The following KCNMB4 variants were observed in gnomAD, a reference collection of about 807,000 sequenced individuals.
The protein encoded by KCNMB4 is calcium-activated potassium channel subunit beta-4.
Under a neutral mutation model 20.7 loss-of-function variants are expected in KCNMB4, and 3 were observed. That is an observed-to-expected ratio of 0.14 (90% CI 0.07 to 0.37). The LOEUF is 0.37. KCNMB4 is among the 10% of genes least tolerant of loss of function. The probability of loss-of-function intolerance (pLI) is 1.00; values close to 1 mark genes in which losing one functional copy is unlikely to be tolerated. For synonymous variants in KCNMB4, 110 were observed against 113.4 expected (o/e 0.97, Z 0.19); for missense variants, 168 against 265.9 (o/e 0.63, Z 2.56).
intron 2 of KCNMB4, among the ~76,000 whole-genome samples, chr12:70,412,742 A>T (rs1868814775): frequency 6.6e-6 from 1 of 152,148 alleles, no homozygotes; most frequent in South Asian, 2.1e-4. Context: ...TAAAGATGGG[A>T]CCTAAGATTT....
At chr12:70,400,404 T>C (rs778885133) in intron 2 of KCNMB4, 68 bp downstream of exon 2, 3 of 1,484,514 alleles carry the variant, frequency 2.0e-6, no homozygotes, top group Non-Finnish European at 2.7e-6. Flanking sequence ...CACTGTTATA[T>C]CGTAGATTAT....
chr12:70,433,107 T>C lies in KCNMB4; in HGVS notation c.*2454T>C, dbSNP rs1322999658. ...CTTACTTGCTTACAGCCAATTAAAT[T>C]TGAAGCACCTTATTTATACTTGTTA... On this transcript the variant is annotated 3_prime_UTR_variant, in exon 3 of 3. Transcript: ENST00000258111. 1 of 152,124 alleles carries C rather than the reference T, an allele frequency of 6.6e-6. No individual in the cohort carries two copies. Among genetic ancestry groups the C allele is most frequent in the Non-Finnish European group, 1.5e-5 (1 of 68,032 alleles). The allele number at this position is 152,124 out of a possible 1,614,324, so 9.4% of individuals were successfully genotyped here.
Position 70,432,837 on chromosome 12 carries a change from T to A in KCNMB4, c.*2184T>A, listed in dbSNP as rs561724175. 3 of 152,282 alleles carry A rather than the reference T, an allele frequency of 2.0e-5. No homozygotes were observed. In the East Asian group the frequency reaches 5.8e-4, roughly 29 times the overall value. 9.4% of individuals were successfully genotyped at this position (152,282 alleles called of 1,614,324 possible). On this transcript the variant is annotated 3_prime_UTR_variant, in exon 3 of 3. Transcript: ENST00000258111. ...CTTTATCCATTTTATCTTTATTCAGTTGTCTATGATTAATTGATTACAGAG... is the reference window on the plus strand; with the variant it reads ...CTTTATCCATTTTATCTTTATTCAGATGTCTATGATTAATTGATTACAGAG...
chr12:70,387,398 A>ATTTTTTTTTT (rs200125786), intron 1 of KCNMB4, among the ~76,000 whole-genome samples: 3 of 123,982 alleles, frequency 2.4e-5, no homozygotes, highest in Non-Finnish European at 3.3e-5. Context: ...AAATTTTTTA[A>ATTTTTTTTTT]TTTTTTTTTT....
At chr12:70,425,305 G>A (rs762671280) in intron 2 of KCNMB4, among the ~76,000 whole-genome samples, 1 of 152,064 alleles carries the variant, frequency 6.6e-6, no homozygotes, top group Admixed American at 6.5e-5. Context: ...AGGTGTGGTG[G>A]TGGGCGCCTG....
chr12:70,417,030 A>G (rs1464003738), intron 2 of KCNMB4, among the ~76,000 whole-genome samples: 1 of 152,218 alleles, frequency 6.6e-6, no homozygotes. Context: ...TATATTTTTC[A>G]AATCCTTTCT....
intron 1 of KCNMB4, among the ~76,000 whole-genome samples, chr12:70,370,090 A>T (rs1440986307): frequency 6.6e-6 from 1 of 152,050 alleles, no homozygotes; most frequent in Non-Finnish European, 1.5e-5. Flanking sequence ...CAAGATTCTG[A>T]TTTGGTCTTG....
chr12:70,380,935 A>G (rs544650936), intron 1 of KCNMB4, among the ~76,000 whole-genome samples: 1 of 152,256 alleles, frequency 6.6e-6, no homozygotes, highest in Non-Finnish European at 1.5e-5. Flanking sequence ...TTTGTGCTTC[A>G]AAGGACACCA....
At chr12:70,371,481 GTTT>G (rs1883593401) in intron 1 of KCNMB4, among the ~76,000 whole-genome samples, 1 of 152,178 alleles carries the variant, frequency 6.6e-6, no homozygotes, top group African/African-American at 2.4e-5. Context: ...GGAACATTCA[GTTT>G]GATACATTTT....
chr12:70,421,738 C>G (rs1325053572), intron 2 of KCNMB4, among the ~76,000 whole-genome samples: 7 of 151,848 alleles, frequency 4.6e-5, no homozygotes. Context: ...GCCGCCACCA[C>G]ACCCATCTAA....
chr12:70,386,597 G>T (rs11178213), intron 1 of KCNMB4, among the ~76,000 whole-genome samples: 53,472 of 119,558 alleles, frequency 0.45, 10,078 homozygotes, highest in East Asian at 0.56. Flanking sequence ...TTTGTTTGTT[G>T]TTTTTTTTTT....
intron 1 of KCNMB4, among the ~76,000 whole-genome samples, chr12:70,399,028 G>T (rs1199674438): frequency 6.6e-6 from 1 of 152,178 alleles, no homozygotes; most frequent in Admixed American, 6.5e-5. Flanking sequence ...CCTGTGCCAA[G>T]CAAGTAGGTT....
chr12:70,382,074 A>G (rs1262407626), intron 1 of KCNMB4, among the ~76,000 whole-genome samples: 2 of 152,242 alleles, frequency 1.3e-5, no homozygotes, highest in African/African-American at 4.8e-5. Context: ...ACTAGGAATC[A>G]TCAAAATGTT....
rs920124433 is a variant in KCNMB4 at position 70,366,300 on chromosome 12, A to G, written c.-435A>G. ...GGCTCGCCCCAGCTCAGACACTCCT[A>G]GCCTTGGGGCAGCTGCCGGGCGAGT... is the stretch of plus-strand genomic sequence containing the variant. On this transcript the variant is annotated 5_prime_UTR_variant, in exon 1 of 3. Coordinates refer to ENST00000258111, the MANE Select transcript of KCNMB4 (RefSeq NM_014505.6). 1 of 146,702 alleles carries G rather than the reference A, an allele frequency of 6.8e-6. No individual in the cohort carries two copies. Among genetic ancestry groups the G allele is most frequent in the Non-Finnish European group, 1.5e-5 (1 of 66,576 alleles). The allele number at this position is 146,702 out of a possible 1,614,324, so 9.1% of individuals were successfully genotyped here.
chr12:70,432,759 T>G lies in KCNMB4; in HGVS notation c.*2106T>G, dbSNP rs1869402223. The stretch of plus-strand genomic sequence containing the variant: ...TCTGAAGCATAGAGTAACACGAAAC[T>G]GGGAGTCCGAGAAATAATCATCTCT... On this transcript the variant is annotated 3_prime_UTR_variant, in exon 3 of 3. Coordinates refer to ENST00000258111, the MANE Select transcript of KCNMB4 (RefSeq NM_014505.6). 1 of 152,194 alleles carries G rather than the reference T, an allele frequency of 6.6e-6. No individual in the cohort carries two copies. The highest frequency in any genetic ancestry group is 1.5e-5 in the Non-Finnish European group (1 of 68,042). The allele number at this position is 152,194 out of a possible 1,614,324, so 9.4% of individuals were successfully genotyped here.
chr12:70,386,107 A>T (rs1242922518), intron 1 of KCNMB4, among the ~76,000 whole-genome samples: 1 of 152,174 alleles, frequency 6.6e-6, no homozygotes, highest in African/African-American at 2.4e-5. Flanking sequence ...ATCCAAAATG[A>T]AATTAGTAAT....
intron 1 of KCNMB4, among the ~76,000 whole-genome samples, chr12:70,398,095 C>G (rs971313531): frequency 6.6e-6 from 1 of 152,088 alleles, no homozygotes; most frequent in African/African-American, 2.4e-5. Flanking sequence ...TTTTCTAATG[C>G]AAAGTGCTGG....
intron 1 of KCNMB4, among the ~76,000 whole-genome samples, chr12:70,396,132 T>C (rs374843248): frequency 6.6e-6 from 1 of 152,136 alleles, no homozygotes; most frequent in South Asian, 2.1e-4. Flanking sequence ...ATAAAAATAC[T>C]ACACTGGTGC....
At chr12:70,381,813 C>T (rs75812210) in intron 1 of KCNMB4, among the ~76,000 whole-genome samples, 11,098 of 152,182 alleles carry the variant, frequency 0.073, 636 homozygotes, top group East Asian at 0.27. Context: ...TTGTTGCACA[C>T]CTCTGTGCAA....
Sources: gnomAD v4.1 joint callset for allele counts (sites outside exome capture counted in the v4.1 genomes callset) on GRCh38, gnomAD v4.1.1 for gene constraint, MANE v1.5 for transcripts, NCBI Gene and HGNC (gene_info 2026-07-23, HGNC 2026-07-21) for gene names.